Variants in ASIC2 observed in about 807,000 individuals in gnomAD.
ASIC2 encodes the protein acid-sensing ion channel 2.
A neutral mutation model predicts 57.3 loss-of-function variants in ASIC2; 25 were observed. That is an observed-to-expected ratio of 0.44 (90% CI 0.32 to 0.61). The LOEUF is 0.61. ASIC2 is among the 20% of genes least tolerant of loss of function. The probability of loss-of-function intolerance (pLI) is 0.06; values close to 1 mark genes in which losing one functional copy is unlikely to be tolerated. For synonymous variants in ASIC2, 319 were observed against 307.5 expected, an observed-to-expected ratio of 1.04 and a Z score of -0.39; for missense variants, 641 against 738.1, an observed-to-expected ratio of 0.87 and a Z score of 1.52.
chr17:33,510,641 C>G (rs1914402852), intron 1 of ASIC2, among the ~76,000 whole-genome samples: 1 of 152,058 alleles, frequency 6.6e-6, no homozygotes, highest in South Asian at 2.1e-4. Flanking sequence ...CAAAATAAAA[C>G]TAAACATTAA....
chr17:33,151,886 T>A (rs140522540), intron 1 of ASIC2, among the ~76,000 whole-genome samples: 1 of 152,234 alleles, frequency 6.6e-6, no homozygotes, highest in African/African-American at 2.4e-5. Context: ...GCTAAGACAC[T>A]TCTGGAGTAA....
intron 2 of ASIC2, among the ~76,000 whole-genome samples, chr17:33,091,675 G>GA (rs1242601818): frequency 3.9e-5 from 6 of 152,218 alleles, no homozygotes; most frequent in Admixed American, 2.0e-4. Context: ...AGCTTATTCT[G>GA]AAAGCAGCAG....
At chr17:33,889,668 C>T (rs1914916128) in intron 1 of ASIC2, among the ~76,000 whole-genome samples, 1 of 152,160 alleles carries the variant, frequency 6.6e-6, no homozygotes, top group Non-Finnish European at 1.5e-5. Context: ...ATGTTCACAC[C>T]TGTCCTTAAA....
chr17:33,335,264 T>A (rs1057306195), intron 1 of ASIC2, among the ~76,000 whole-genome samples: 1 of 152,196 alleles, frequency 6.6e-6, no homozygotes, highest in African/African-American at 2.4e-5. Context: ...CAAGGCATAA[T>A]GATGGACTTG....
At chr17:33,733,144 G>T (rs1241175810) in intron 1 of ASIC2, among the ~76,000 whole-genome samples, 1 of 152,002 alleles carries the variant, frequency 6.6e-6, no homozygotes, top group African/African-American at 2.4e-5. Context: ...ATAATTATTG[G>T]CCCTAACCCT....
At chr17:33,712,349 C>T (rs946956374) in intron 1 of ASIC2, among the ~76,000 whole-genome samples, 1 of 152,228 alleles carries the variant, frequency 6.6e-6, no homozygotes, top group Non-Finnish European at 1.5e-5. Flanking sequence ...AGGGCTCCAG[C>T]ACAGGCTCCC....
intron 2 of ASIC2, among the ~76,000 whole-genome samples, chr17:33,099,323 C>T (rs1006249982): frequency 6.6e-6 from 1 of 152,062 alleles, no homozygotes; most frequent in Non-Finnish European, 1.5e-5. Flanking sequence ...AGCCGCTTAC[C>T]GCATTTTAAA....
chr17:33,259,168 G>A (rs1185396313), intron 1 of ASIC2, among the ~76,000 whole-genome samples: 2 of 152,084 alleles, frequency 1.3e-5, no homozygotes, highest in Non-Finnish European at 2.9e-5. Flanking sequence ...GGGGCATCTC[G>A]GAACGGACAG....
chr17:33,156,134 GTT>G (rs112484210), intron 1 of ASIC2, among the ~76,000 whole-genome samples: 24,416 of 144,008 alleles, frequency 0.17, 2,187 homozygotes, highest in African/African-American at 0.25. Context: ...TAGGGAGCTT[GTT>G]TTTTTTTTTT....
At chr17:33,399,282 T>G (rs1375173709) in intron 1 of ASIC2, among the ~76,000 whole-genome samples, 1 of 152,208 alleles carries the variant, frequency 6.6e-6, no homozygotes. Context: ...ATATGTTCAC[T>G]TCAAACAAAG....
chr17:33,835,351 C>A (rs1913243459), intron 1 of ASIC2, among the ~76,000 whole-genome samples: 1 of 152,188 alleles, frequency 6.6e-6, no homozygotes, highest in Non-Finnish European at 1.5e-5. Flanking sequence ...GCCGTCAGTA[C>A]TTTGTACGTA....
intron 1 of ASIC2, among the ~76,000 whole-genome samples, chr17:33,743,259 C>T (rs140931520): frequency 4.6e-5 from 7 of 152,352 alleles, no homozygotes; most frequent in Non-Finnish European, 8.8e-5. Flanking sequence ...TCATAAAAAT[C>T]TACTATAATG....
At chr17:33,192,460 C>A (rs1906466952) in intron 1 of ASIC2, among the ~76,000 whole-genome samples, 1 of 148,800 alleles carries the variant, frequency 6.7e-6, no homozygotes, top group African/African-American at 2.5e-5. Flanking sequence ...AAAACACAAC[C>A]AAAAAAACCA....
At chr17:33,858,153 C>G (rs150350558) in intron 1 of ASIC2, among the ~76,000 whole-genome samples, 1 of 152,218 alleles carries the variant, frequency 6.6e-6, no homozygotes, top group Admixed American at 6.5e-5. Context: ...GTTGTTCACC[C>G]CAGCCTCTAC....
chr17:33,292,144 C>A lies in ASIC2; in HGVS notation c.-29G>T. On this transcript the variant is annotated 5_prime_UTR_variant, in exon 1 of 10. Transcript: ENST00000225823. ...TTCAGCCCGCGGCTGGCGGCAGCGGCGGCGGCCCCGGCCGGGCGGAGCCGC... is the reference window on the plus strand; with the variant it reads ...TTCAGCCCGCGGCTGGCGGCAGCGGAGGCGGCCCCGGCCGGGCGGAGCCGC... The A allele has an allele frequency of 9.7e-7, 1 of 1,030,428 alleles. No individual in the cohort carries two copies. The highest frequency in any genetic ancestry group is 1.2e-6 in the Non-Finnish European group (1 of 861,378). 63.8% of individuals were successfully genotyped at this position (1,030,428 alleles called of 1,614,324 possible). A position where few individuals can be genotyped will look rare whatever the true frequency, so the allele number is the denominator to read the frequency against.
chr17:33,840,024 T>C (rs34326598), intron 1 of ASIC2, among the ~76,000 whole-genome samples: 3,859 of 152,350 alleles, frequency 0.025, 181 homozygotes, highest in African/African-American at 0.089. Flanking sequence ...TCAGTGAGCA[T>C]GCTGATATGC....
chr17:33,456,078 C>T (rs1597734116), intron 1 of ASIC2, among the ~76,000 whole-genome samples: 1 of 152,096 alleles, frequency 6.6e-6, no homozygotes, highest in Non-Finnish European at 1.5e-5. Context: ...CTCCCCCCAA[C>T]CCCCAGCTCT....
intron 1 of ASIC2, among the ~76,000 whole-genome samples, chr17:34,135,319 G>T (rs527407314): frequency 6.6e-6 from 1 of 152,350 alleles, no homozygotes; most frequent in South Asian, 2.1e-4. Flanking sequence ...CATAGAAGAT[G>T]AGCTAGAGAT....
At chr17:33,685,257 T>C (rs1041600411) in intron 1 of ASIC2, among the ~76,000 whole-genome samples, 1 of 152,116 alleles carries the variant, frequency 6.6e-6, no homozygotes, top group Non-Finnish European at 1.5e-5. Flanking sequence ...CCTGGAGTGG[T>C]CCTGAGTGGG....
Sources: gnomAD v4.1 joint callset for allele counts (sites outside exome capture counted in the v4.1 genomes callset) on GRCh38, gnomAD v4.1.1 for gene constraint, MANE v1.5 for transcripts, NCBI Gene and HGNC (gene_info 2026-07-23, HGNC 2026-07-21) for gene names.